RFX2: variants seen among roughly 807,000 people sequenced by gnomAD.
RFX2 encodes DNA-binding protein RFX2.
RFX2 carries 20 observed loss-of-function variants against 87.8 expected under a neutral mutation model. That is an observed-to-expected ratio of 0.23 (90% confidence interval 0.16 to 0.33). RFX2 has a LOEUF of 0.33. RFX2 is among the 10% of genes least tolerant of loss of function. The pLI is 1.00. For synonymous variants in RFX2, 397 were observed against 431.3 expected, an observed-to-expected ratio of 0.92 and a Z score of 0.98; for missense variants, 767 against 1,012.3, an observed-to-expected ratio of 0.76 and a Z score of 3.29.
chr19:6,010,058 TG>T lies in RFX2; in HGVS notation c.1015+77del. ...TCGGAAGCAGACGCTTAGACACCACTGGTTCTGCTGGTGTTGAAACCCAGGA... is the reference window on the plus strand; with the variant it reads ...TCGGAAGCAGACGCTTAGACACCACTGTTCTGCTGGTGTTGAAACCCAGGA... On this transcript the variant is annotated intron_variant, in intron 9 of 17. Coordinates refer to ENST00000303657, the MANE Select transcript of RFX2 (RefSeq NM_000635.4). This position sits in a 1 kb window ranked among gnomAD's most constrained non-coding sequence, Gnocchi z 5.0. 1 of 827,040 alleles carries T rather than the reference TG, an allele frequency of 1.2e-6. No homozygotes were observed. The highest frequency in any genetic ancestry group is 1.6e-5 in the South Asian group (1 of 62,142). The allele number at this position is 827,040 out of a possible 1,614,324, so 51.2% of individuals were successfully genotyped here.
At chr19:6,028,740 G>A (rs769706376) in intron 5 of RFX2, among the ~76,000 whole-genome samples, 1 of 152,066 alleles carries the variant, frequency 6.6e-6, no homozygotes, top group Admixed American at 6.6e-5. Flanking sequence ...GGCATTTAAG[G>A]AAATTTTCGT....
At position 6,097,231 on chromosome 19, in the gene RFX2, C is replaced by T. The variant is rs550145043; in HGVS notation, c.-9+13162G>A. Among the ~76,000 whole-genome samples the T allele has an allele frequency of 5.9e-5, 9 of 152,252 alleles. No homozygotes were observed. In the South Asian group the frequency reaches 1.0e-3, roughly 18 times the overall value. On this transcript the variant is annotated intron_variant, in intron 1 of 17. Coordinates refer to ENST00000303657, the MANE Select transcript of RFX2 (RefSeq NM_000635.4). Reference sequence around the variant, plus strand: ...CTAGACCCTGGGGAGGAAGAACGAGCGGTCCAGGCTACTCGGGTTTCTGGC... The same window carrying T: ...CTAGACCCTGGGGAGGAAGAACGAGTGGTCCAGGCTACTCGGGTTTCTGGC...
In RFX2 at chr19:6,010,814, A is replaced by G. The variant is rs959103356; in HGVS notation, c.900-563T>C. ...ATTTTCCCCCTAACATTTCTCTCTT[A>G]GAAAAAAAAGTGAAATTCTTGGCCG... On this transcript the variant is annotated intron_variant, in intron 8 of 17. Coordinates refer to ENST00000303657, the MANE Select transcript of RFX2 (RefSeq NM_000635.4). This position sits in a 1 kb window ranked among gnomAD's most constrained non-coding sequence, Gnocchi z 5.0. 3.9e-5 allele frequency among the ~76,000 whole-genome samples: 6 copies of G among 152,154 alleles called. No individual in the cohort carries two copies. The highest frequency in any genetic ancestry group is 1.4e-4 in the African/African-American group (6 of 41,430).
rs2086667092 is a variant in RFX2 at position 6,012,159 on chromosome 19, T to C, written c.899+827A>G. On this transcript the variant is annotated intron_variant, in intron 8 of 17. Transcript: ENST00000303657. The surrounding 1 kb of genome is among the most constrained non-coding windows in gnomAD (Gnocchi z 4.6). ...CTCCTGCCTTAGAAGATGAGAAAGTTTGTGATGGATGGAGAAGAGGATCTT... is the reference window on the plus strand; with the variant it reads ...CTCCTGCCTTAGAAGATGAGAAAGTCTGTGATGGATGGAGAAGAGGATCTT... 6.6e-6 allele frequency: 1 copy of C among 152,208 alleles called. No homozygotes were observed. The highest frequency in any genetic ancestry group is 2.4e-5 in the African/African-American group (1 of 41,450). The allele number at this position is 152,208 out of a possible 1,614,324, so 9.4% of individuals were successfully genotyped here. A position where few individuals can be genotyped will look rare whatever the true frequency, so the allele number is the denominator to read the frequency against.
Position 6,110,460 on chromosome 19 carries a change from C to A in RFX2, c.-76G>T. 3 of 153,618 alleles carry A rather than the reference C, an allele frequency of 2.0e-5. No homozygotes were observed. In the South Asian group the frequency reaches 5.4e-4, roughly 28 times the overall value. 9.5% of individuals were successfully genotyped at this position (153,618 alleles called of 1,614,324 possible). The stretch of plus-strand genomic sequence containing the variant: ...GCGGCAGCGGCTGCTGCGTGTTGGT[C>A]CCCGTTGGTAAGTAACAGTCTCCAC... On this transcript the variant is annotated 5_prime_UTR_variant, in exon 1 of 18. Transcript: ENST00000303657. The surrounding 1 kb of genome is among the most constrained non-coding windows in gnomAD (Gnocchi z 4.3).
At chr19:6,059,447 G>C (rs2087396352) in intron 1 of RFX2, among the ~76,000 whole-genome samples, 1 of 152,098 alleles carries the variant, frequency 6.6e-6, no homozygotes, top group Admixed American at 6.5e-5. Context: ...TACTCTTTTG[G>C]CAGGCAACCT....
intron 5 of RFX2, among the ~76,000 whole-genome samples, chr19:6,035,850 GGT>G (rs34008943): frequency 0.048 from 6,510 of 136,950 alleles, 187 homozygotes; most frequent in Non-Finnish European, 0.058. Flanking sequence ...CTTGGTGGGG[GGT>G]GTGTGTGTGT....
rs1270675569 is a variant in RFX2, at chr19:6,007,831, C to T, written c.1135-29G>A. ...GGAATGAAGGGACCGGTGAGACAGA[C>T]GGGTGCGTGCGCCCATCACGTGCAC... On this transcript the variant is annotated intron_variant, in intron 10 of 17. Coordinates refer to ENST00000303657, the MANE Select transcript of RFX2 (RefSeq NM_000635.4). The surrounding 1 kb of genome is among the most constrained non-coding windows in gnomAD (Gnocchi z 8.2). The T allele has an allele frequency of 4.9e-6, 7 of 1,414,202 alleles. No individual in the cohort carries two copies. Among genetic ancestry groups the T allele is most frequent in the East Asian group, 5.0e-5 (2 of 40,312 alleles). The allele number at this position is 1,414,202 out of a possible 1,614,324, so 87.6% of individuals were successfully genotyped here.
intron 1 of RFX2, among the ~76,000 whole-genome samples, chr19:6,087,984 G>A (rs1224645111): frequency 6.6e-6 from 1 of 152,048 alleles, no homozygotes; most frequent in Non-Finnish European, 1.5e-5. Flanking sequence ...GCCATAAGCT[G>A]CACACCCACT....
rs2086701646 is a variant in RFX2 at position 6,014,670 on chromosome 19, T to G, written c.779+1420A>C. On this transcript the variant is annotated intron_variant, in intron 7 of 17. Transcript: ENST00000303657. ...CAGCCTTAATCCTGAAGCCAGCAGC[T>G]GGGATACTCTGCAGGGGAGGCCCCT... 2.0e-5 allele frequency among the ~76,000 whole-genome samples: 3 copies of G among 152,176 alleles called. No homozygotes were observed. In the South Asian group the frequency reaches 6.2e-4, roughly 32 times the overall value.
rs138420758 is a variant in RFX2, at chr19:5,998,954, C to T, written c.1860-1741G>A. On this transcript the variant is annotated intron_variant, in intron 15 of 17. Coordinates refer to ENST00000303657, the MANE Select transcript of RFX2 (RefSeq NM_000635.4). The surrounding 1 kb of genome is among the most constrained non-coding windows in gnomAD (Gnocchi z 4.2). ...TTTTATTTTTTATGACTGCACTGCA[C>T]GTGCATAAGAATGAAGTCAGACCAG... 1.4e-3 allele frequency among the ~76,000 whole-genome samples: 209 copies of T among 152,274 alleles called. No homozygotes were observed. The highest frequency in any genetic ancestry group is 4.8e-3 in the African/African-American group (198 of 41,536).
intron 1 of RFX2, among the ~76,000 whole-genome samples, chr19:6,062,377 G>A (rs767014611): frequency 1.3e-5 from 2 of 152,008 alleles, no homozygotes; most frequent in Admixed American, 1.3e-4. Context: ...CAACACACAC[G>A]CAACTGAGGC....
chr19:6,090,407 A>G (rs2087916484), intron 1 of RFX2, among the ~76,000 whole-genome samples: 2 of 152,122 alleles, frequency 1.3e-5, no homozygotes, highest in South Asian at 4.1e-4. Context: ...ATTTCTCCAA[A>G]GAAGAGCTAT....
In RFX2 at chr19:6,013,276, C is replaced by T. The variant is rs1375607956; in HGVS notation, c.780-171G>A. Among the ~76,000 whole-genome samples the T allele has an allele frequency of 6.6e-6, 1 of 151,878 alleles. No individual in the cohort carries two copies. Among genetic ancestry groups the T allele is most frequent in the East Asian group, 1.9e-4 (1 of 5,166 alleles). On this transcript the variant is annotated intron_variant, in intron 7 of 17. Coordinates refer to ENST00000303657, the MANE Select transcript of RFX2 (RefSeq NM_000635.4). The surrounding 1 kb of genome is among the most constrained non-coding windows in gnomAD (Gnocchi z 4.1). ...TCTCGGCTCACTGCAATCTCCGCCT[C>T]CCGGGTTTAAGAGATTCTCCTGCCT...
In RFX2 at chr19:5,997,306, C is replaced by T; in HGVS notation, c.1860-93G>A. ...TCATGGCAGCAACACACCCCCTGCT[C>T]TACGTTCCCTGGGGAACCCAGAGGC... On this transcript the variant is annotated intron_variant, in intron 15 of 17. Coordinates refer to ENST00000303657, the MANE Select transcript of RFX2 (RefSeq NM_000635.4). The surrounding 1 kb of genome is among the most constrained non-coding windows in gnomAD (Gnocchi z 4.2). The T allele has an allele frequency of 7.4e-7, 1 of 1,350,660 alleles. No homozygotes were observed. The highest frequency in any genetic ancestry group is 1.5e-5 in the South Asian group (1 of 68,318). 83.7% of individuals were successfully genotyped at this position (1,350,660 alleles called of 1,614,324 possible).
rs748183377 is a variant in RFX2 at position 5,994,809 on chromosome 19, C to T, written c.*26G>A. On this transcript the variant is annotated 3_prime_UTR_variant, in exon 18 of 18. Coordinates refer to ENST00000303657, the MANE Select transcript of RFX2 (RefSeq NM_000635.4). Reference sequence around the variant, plus strand: ...AGTGACCAGGCGGCATCTTTTGGAACCTCGAGGAGGCGCCGGCCGGGGCTG... The same window carrying T: ...AGTGACCAGGCGGCATCTTTTGGAATCTCGAGGAGGCGCCGGCCGGGGCTG... The T allele has an allele frequency of 1.1e-5, 15 of 1,424,346 alleles. No homozygotes were observed. The highest frequency in any genetic ancestry group is 1.5e-5 in the Non-Finnish European group (15 of 1,019,360). The allele number at this position is 1,424,346 out of a possible 1,614,324, so 88.2% of individuals were successfully genotyped here.
chr19:6,015,198 C>A (rs1377307350), intron 7 of RFX2, among the ~76,000 whole-genome samples: 1 of 152,108 alleles, frequency 6.6e-6, no homozygotes, highest in Non-Finnish European at 1.5e-5. Flanking sequence ...GAGGCTGAGG[C>A]AGGCAGATCA....
chr19:6,091,970 T>C (rs984423037), intron 1 of RFX2, among the ~76,000 whole-genome samples: 1 of 152,188 alleles, frequency 6.6e-6, no homozygotes, highest in Non-Finnish European at 1.5e-5. Flanking sequence ...ACATTAACCC[T>C]GGAGAATAAA....
chr19:6,006,991 G>A (rs1201273348), intron 12 of RFX2, 21 bp downstream of exon 12: 1 of 1,612,758 alleles, frequency 6.2e-7, no homozygotes, highest in Admixed American at 1.7e-5. Context: ...GCAGCGCCGG[G>A]CGGGGCCGTG....
Sources: allele counts gnomAD v4.1 joint callset (sites outside exome capture counted in the v4.1 genomes callset), GRCh38; gene constraint gnomAD v4.1.1; non-coding constraint Gnocchi (gnomAD v3.1); transcripts MANE v1.5; gene names NCBI Gene and HGNC (gene_info 2026-07-23, HGNC 2026-07-21).